Variants in SUGCT observed in about 807,000 individuals in gnomAD.
SUGCT encodes the protein succinyl-CoA:glutarate-CoA transferase, also known as succinyl-CoA:glutarate CoA-transferase.
In SUGCT, 41 loss-of-function variants were observed where a neutral mutation model predicts 55.0. That is an observed-to-expected ratio of 0.74 (90% CI 0.58 to 0.97). The LOEUF is 0.97. SUGCT is among the 50% of genes least tolerant of loss of function. The pLI, the probability that SUGCT is intolerant of heterozygous loss-of-function variation, is 0.00. For synonymous variants in SUGCT, 187 were observed against 200.4 expected (o/e 0.93, Z 0.56); for missense variants, 568 against 547.8 (o/e 1.04, Z -0.37).
At chr7:40,735,783 T>G (rs1178322856) in intron 12 of SUGCT, among the ~76,000 whole-genome samples, 1 of 152,170 alleles carries the variant, frequency 6.6e-6, no homozygotes, top group Non-Finnish European at 1.5e-5. Flanking sequence ...TATTCTAACC[T>G]GTTTTGACCA....
chr7:40,867,131 TATAATAAGATTAATATATAAA>T, the SUGCT span, among the ~76,000 whole-genome samples: 3 of 148,270 alleles, frequency 2.0e-5, no homozygotes, highest in Non-Finnish European at 4.5e-5. Flanking sequence ...CTTATATATA[TATAATAAGATTAATATATAAA>T]ATAAGATTAA....
chr7:40,443,192 C>A (rs1025621569), intron 9 of SUGCT, among the ~76,000 whole-genome samples: 1 of 152,034 alleles, frequency 6.6e-6, no homozygotes, highest in African/African-American at 2.4e-5. Context: ...TACGTGTGCA[C>A]GTGTCTTTAT....
At chr7:40,891,013 T>C in the SUGCT span, among the ~76,000 whole-genome samples, 1 of 151,882 alleles carries the variant, frequency 6.6e-6, no homozygotes, top group Non-Finnish European at 1.5e-5. Flanking sequence ...GAGCATAATG[T>C]TTAGACTGAA....
chr7:41,007,355 C>T, the SUGCT span, among the ~76,000 whole-genome samples: 9 of 152,070 alleles, frequency 5.9e-5, no homozygotes, highest in African/African-American at 2.2e-4. Flanking sequence ...TACAACAAGT[C>T]GAGGCCTCCT....
At chr7:40,189,458 T>G in intron 4 of SUGCT, 86 bp from the exon 5 acceptor site, 2 of 271,756 alleles carry the variant, frequency 7.4e-6, no homozygotes. Context: ...GTTTGTTATG[T>G]GGGTATATTG....
chr7:40,435,961 T>C (rs75657128), intron 9 of SUGCT, among the ~76,000 whole-genome samples: 4 of 121,252 alleles, frequency 3.3e-5, no homozygotes, highest in Non-Finnish European at 5.2e-5. Context: ...TTTTTTTTTT[T>C]GAGATGGAGT....
chr7:40,719,589 C>T (rs1786208410), intron 12 of SUGCT, among the ~76,000 whole-genome samples: 1 of 152,076 alleles, frequency 6.6e-6, no homozygotes, highest in Non-Finnish European at 1.5e-5. Context: ...AACTGAAAAC[C>T]AGGCAAAAGC....
chr7:40,334,559 A>C (rs906719314), intron 9 of SUGCT, among the ~76,000 whole-genome samples: 2 of 152,146 alleles, frequency 1.3e-5, no homozygotes, highest in African/African-American at 4.8e-5. Flanking sequence ...TCTTTTGAGA[A>C]GTGTCTGTTC....
Position 40,240,216 on chromosome 7 carries a change from G to A in SUGCT, c.576+2490G>A, listed in dbSNP as rs574867042. The stretch of plus-strand genomic sequence containing the variant: ...AGAATCAGGCCAGCTTGGCACAGTG[G>A]CTCATGCTTGTAATCCCAGCACTTT... On this transcript the variant is annotated intron_variant, in intron 7 of 13. Transcript: ENST00000335693. Among the ~76,000 whole-genome samples, 8 of 152,224 alleles carry A rather than the reference G, an allele frequency of 5.3e-5. No individual in the cohort carries two copies. The South Asian group carries it at 1.7e-3, about 32-fold the overall frequency.
At chr7:40,897,365 G>A in the SUGCT span, among the ~76,000 whole-genome samples, 1 of 151,686 alleles carries the variant, frequency 6.6e-6, no homozygotes, top group Non-Finnish European at 1.5e-5. Context: ...ATTTCATTAA[G>A]AAATCATGTT....
At chr7:41,038,796 G>C in the SUGCT span, among the ~76,000 whole-genome samples, 1 of 152,196 alleles carries the variant, frequency 6.6e-6, no homozygotes, top group African/African-American at 2.4e-5. Context: ...TTCATCATCA[G>C]CAAGCTGAAG....
rs138984553 is a variant in SUGCT, at chr7:40,440,145, G to GTTTTTTTTTT, written c.817-9119_817-9110dup. Among the ~76,000 whole-genome samples, 10 of 68,454 alleles carry GTTTTTTTTTT rather than the reference G, an allele frequency of 1.5e-4. 1 individual carries two copies. The highest frequency in any genetic ancestry group is 6.7e-4 in the African/African-American group (10 of 14,926). The allele number at this position is 68,454 out of a possible 152,430, so 44.9% of individuals were successfully genotyped here. A position where few individuals can be genotyped will look rare whatever the true frequency, so the allele number is the denominator to read the frequency against. Reference sequence around the variant, plus strand: ...TCAAGTTTTTTGTCTGTGTGTGTGTGTTTTTTTTTTTTTTTTTTTTTTTTT... The same window carrying GTTTTTTTTTT: ...TCAAGTTTTTTGTCTGTGTGTGTGTGTTTTTTTTTTTTTTTTTTTTTTTTTTTTTTTTTTT... On this transcript the variant is annotated intron_variant, in intron 9 of 13. Coordinates refer to ENST00000335693, the MANE Select transcript of SUGCT (RefSeq NM_001193313.2).
intron 9 of SUGCT, among the ~76,000 whole-genome samples, chr7:40,377,277 C>G (rs551906526): frequency 1.4e-5 from 2 of 139,088 alleles, no homozygotes; most frequent in South Asian, 5.1e-4. Flanking sequence ...TAGTCTCACT[C>G]TATTGCCCAG....
At chr7:41,034,879 C>T in the SUGCT span, among the ~76,000 whole-genome samples, 1 of 152,150 alleles carries the variant, frequency 6.6e-6, no homozygotes, top group Non-Finnish European at 1.5e-5. Context: ...AATAAGGCCC[C>T]CAGCCTCAGA....
chr7:40,142,347 C>T (rs1399665884), intron 1 of SUGCT, among the ~76,000 whole-genome samples: 2 of 152,346 alleles, frequency 1.3e-5, no homozygotes, highest in Non-Finnish European at 2.9e-5. Context: ...ATCTAACATT[C>T]TGTCCTCTTG....
At chr7:40,774,716 AT>A (rs1340164707) in intron 13 of SUGCT, among the ~76,000 whole-genome samples, 1 of 151,494 alleles carries the variant, frequency 6.6e-6, no homozygotes, top group Non-Finnish European at 1.5e-5. Context: ...TAAGTTTCAT[AT>A]TTTCAATTTA....
intron 9 of SUGCT, among the ~76,000 whole-genome samples, chr7:40,416,349 A>T (rs562681235): frequency 5.9e-5 from 9 of 151,708 alleles, no homozygotes; most frequent in Non-Finnish European, 1.2e-4. Flanking sequence ...ATCCTTATTT[A>T]CTAGAATCTC....
In SUGCT at chr7:40,735,300, G is replaced by A. The variant is rs78489901; in HGVS notation, c.1090-14134G>A. 9.3e-3 allele frequency among the ~76,000 whole-genome samples: 1,415 copies of A among 152,286 alleles called. 17 individuals are homozygous for A. The highest frequency in any genetic ancestry group is 0.032 in the African/African-American group (1,330 of 41,562). ...TCACCTTTGTATTTCACTGGATTCT[G>A]TTGTATTTCCTCTTTTATTTAATAG... is the stretch of plus-strand genomic sequence containing the variant. On this transcript the variant is annotated intron_variant, in intron 12 of 13. Coordinates refer to ENST00000335693, the MANE Select transcript of SUGCT (RefSeq NM_001193313.2).
At chr7:41,026,276 G>C in the SUGCT span, among the ~76,000 whole-genome samples, 1 of 152,122 alleles carries the variant, frequency 6.6e-6, no homozygotes, top group Non-Finnish European at 1.5e-5. Context: ...TGCTGAAGGG[G>C]GTATGTTTTC....
Sources: allele counts gnomAD v4.1 joint callset (sites outside exome capture counted in the v4.1 genomes callset), GRCh38; gene constraint gnomAD v4.1.1; transcripts MANE v1.5; gene names NCBI Gene and HGNC (gene_info 2026-07-23, HGNC 2026-07-21).